The following EXOC6 variants were observed in gnomAD, a reference collection of about 807,000 sequenced individuals.
EXOC6 encodes exocyst complex component 6, also known as SEC15-like 1.
In EXOC6, 60 loss-of-function variants were observed where a neutral mutation model predicts 112.5. The ratio of observed to expected loss-of-function variants is 0.53; its 90% CI spans 0.43 to 0.66. EXOC6 has a LOEUF of 0.66. Among genes scored for constraint, EXOC6 ranks in the 30% least tolerant of loss-of-function variants. The probability of loss-of-function intolerance (pLI) is 0.00; values close to 1 mark genes in which losing one functional copy is unlikely to be tolerated. For missense variants in EXOC6, 855 were observed against 957.1 expected (o/e 0.89, Z 1.41); for synonymous variants, 295 against 308.0 (o/e 0.96, Z 0.44).
At chr10:92,833,633 T>C (rs920384696), upstream of EXOC6, among the ~76,000 whole-genome samples, 2 of 152,148 alleles carry the variant, frequency 1.3e-5, no homozygotes, top group African/African-American at 4.8e-5. Context: ...GAATACTACA[T>C]TTTTAAGAGA....
At chr10:92,905,664 T>TG (rs1158020741) in intron 5 of EXOC6, among the ~76,000 whole-genome samples, 2 of 152,036 alleles carry the variant, frequency 1.3e-5, no homozygotes, top group Admixed American at 6.6e-5. Flanking sequence ...CTTAATCTCA[T>TG]GGGGGAAAAG....
chr10:92,988,800 TACACACACACACAC>T (rs67242778), intron 18 of EXOC6, among the ~76,000 whole-genome samples: 49 of 143,056 alleles, frequency 3.4e-4, no homozygotes, highest in African/African-American at 7.4e-4. Context: ...CTACAAAAAA[TACACACACACACAC>T]ACACACACAC....
intron 18 of EXOC6, among the ~76,000 whole-genome samples, chr10:92,990,161 C>T (rs1843170782): frequency 6.6e-6 from 1 of 152,050 alleles, no homozygotes; most frequent in African/African-American, 2.4e-5. Context: ...TGTTATAAAA[C>T]AGTTGATTTT....
intron 20 of EXOC6, among the ~76,000 whole-genome samples, chr10:93,020,410 A>ATAC (rs1251843168): frequency 6.6e-6 from 1 of 152,108 alleles, no homozygotes; most frequent in Non-Finnish European, 1.5e-5. Flanking sequence ...AATAATAATA[A>ATAC]TAATAAATGT....
intron 17 of EXOC6, among the ~76,000 whole-genome samples, chr10:92,971,192 C>G: frequency 6.6e-6 from 1 of 152,040 alleles, no homozygotes; most frequent in East Asian, 1.9e-4. Flanking sequence ...GCTGGGACTA[C>G]AGGCGCAGGC....
rs747902029 is a variant in EXOC6, at chr10:93,058,351, TG to T, written c.2412del (p.Met804IlefsTer10). The T allele has an allele frequency of 1.2e-6, 2 of 1,600,728 alleles. No individual in the cohort carries two copies. The highest frequency in any genetic ancestry group is 1.7e-6 in the Non-Finnish European group (2 of 1,176,940). On this transcript the variant is annotated frameshift_variant, in exon 22 of 22. Coordinates refer to ENST00000260762, the MANE Select transcript of EXOC6 (RefSeq NM_019053.6). LOFTEE classifies it high-confidence loss of function. ...RSLVNGMSQH[M>X] ...TTGGTGAATGGTATGTCCCAGCACA[TG>T]TAGACCTCACATGGCTTGCACTCAG...
chr10:93,049,630 A>G (rs891993433), intron 20 of EXOC6, among the ~76,000 whole-genome samples: 7 of 152,158 alleles, frequency 4.6e-5, no homozygotes, highest in Non-Finnish European at 1.0e-4. Context: ...TCTGCTGCCC[A>G]TCCTGGAGTA....
intron 1 of EXOC6, 109 bp downstream of exon 1, chr10:92,848,743 TGGTGCGCGCGGGGGCGGGCG>T: frequency 1.1e-6 from 1 of 915,048 alleles, no homozygotes; most frequent in Non-Finnish European, 1.4e-6. Flanking sequence ...CCCCGACAGG[TGGTGCGCGCGGGGGCGGGCG>T]GGGGCGCTCG....
chr10:92,995,173 C>T (rs1032808545), intron 18 of EXOC6, among the ~76,000 whole-genome samples: 8 of 151,636 alleles, frequency 5.3e-5, no homozygotes, highest in African/African-American at 9.7e-5. Flanking sequence ...TTTAGTATTA[C>T]GCATGATATT....
chr10:92,836,098 GAA>G (rs1333910505), intron 1 of EXOC6, among the ~76,000 whole-genome samples: 5 of 152,180 alleles, frequency 3.3e-5, no homozygotes, highest in Admixed American at 3.3e-4. Flanking sequence ...AGTCTAAGTG[GAA>G]ACAAGAGAAA....
At chr10:92,873,845 G>A (rs1848564575) in intron 1 of EXOC6, among the ~76,000 whole-genome samples, 1 of 152,068 alleles carries the variant, frequency 6.6e-6, no homozygotes, top group Admixed American at 6.6e-5. Flanking sequence ...GAGGTCAGGA[G>A]TTTGAGACCA....
chr10:92,827,405 C>T (rs1040411686), intron 1 of EXOC6, among the ~76,000 whole-genome samples: 8 of 122,274 alleles, frequency 6.5e-5, no homozygotes, highest in African/African-American at 9.4e-5. Flanking sequence ...GCCCAGGAGG[C>T]GGAGGTTGCA....
At chr10:93,008,701 T>C (rs1844106185) in intron 19 of EXOC6, among the ~76,000 whole-genome samples, 1 of 152,192 alleles carries the variant, frequency 6.6e-6, no homozygotes, top group Non-Finnish European at 1.5e-5. Context: ...TATTACTATT[T>C]ATTCATTCAA....
chr10:92,896,485 C>G (rs1034144453), intron 4 of EXOC6, among the ~76,000 whole-genome samples: 2 of 151,436 alleles, frequency 1.3e-5, no homozygotes, highest in Non-Finnish European at 2.9e-5. Context: ...GTGTGAGCCA[C>G]TGCACCCGCT....
intron 15 of EXOC6, 21 bp downstream of exon 15, chr10:92,952,403 T>C (rs769878487): frequency 4.2e-5 from 58 of 1,374,800 alleles, no homozygotes; most frequent in Admixed American, 2.2e-4. Flanking sequence ...TAATCACAAA[T>C]GCATTTTTGT....
At chr10:92,931,071 C>A (rs1324209545) in intron 9 of EXOC6, among the ~76,000 whole-genome samples, 1 of 138,834 alleles carries the variant, frequency 7.2e-6, no homozygotes, top group African/African-American at 2.7e-5. Context: ...GAGATCGTAC[C>A]ATTGCACTCC....
chr10:93,058,202 T>C, intron 21 of EXOC6, 21 bp from the exon 22 acceptor site: 1 of 1,590,648 alleles, frequency 6.3e-7, no homozygotes, highest in South Asian at 1.2e-5. Flanking sequence ...ACCAAGCTTC[T>C]TCATTCACAT....
chr10:92,997,088 G>A (rs1371961966), intron 18 of EXOC6, among the ~76,000 whole-genome samples: 1 of 152,094 alleles, frequency 6.6e-6, no homozygotes, highest in Non-Finnish European at 1.5e-5. Flanking sequence ...GAGAGATTAA[G>A]GAGCATTAAA....
intron 2 of EXOC6, among the ~76,000 whole-genome samples, chr10:92,893,831 C>T (rs1849622480): frequency 6.6e-6 from 1 of 152,084 alleles, no homozygotes; most frequent in African/African-American, 2.4e-5. Context: ...ACAGTTAGTA[C>T]AATATTTATA....
Sources: allele counts gnomAD v4.1 joint callset (sites outside exome capture counted in the v4.1 genomes callset), GRCh38; gene constraint gnomAD v4.1.1; transcripts MANE v1.5; gene names NCBI Gene and HGNC (gene_info 2026-07-23, HGNC 2026-07-21).